The following AFG1L variants were observed in gnomAD, a reference collection of about 807,000 sequenced individuals.
AFG1L encodes the protein AFG1-like ATPase.
A neutral mutation model predicts 62.2 loss-of-function variants in AFG1L; 53 were observed. The observed-to-expected ratio is 0.85, with a 90% confidence interval of 0.68 to 1.07. AFG1L has a LOEUF of 1.07. AFG1L is among the 50% of genes least tolerant of loss of function. The probability of loss-of-function intolerance (pLI) is 0.00; values close to 1 mark genes in which losing one functional copy is unlikely to be tolerated. For synonymous variants in AFG1L, 228 were observed against 210.3 expected (o/e 1.08, Z -0.73); for missense variants, 555 against 590.5 (o/e 0.94, Z 0.62).
chr6:108,336,962 A>T (rs1425597332), intron 2 of AFG1L, among the ~76,000 whole-genome samples: 3 of 152,206 alleles, frequency 2.0e-5, no homozygotes, highest in Non-Finnish European at 4.4e-5. Context: ...TCATTTAGTA[A>T]TGTTATCTAA....
At chr6:108,450,002 T>C (rs1771985437) in intron 8 of AFG1L, among the ~76,000 whole-genome samples, 1 of 152,232 alleles carries the variant, frequency 6.6e-6, no homozygotes, top group African/African-American at 2.4e-5. Context: ...AGTCTATCAT[T>C]GTTGGACATT....
intron 7 of AFG1L, among the ~76,000 whole-genome samples, chr6:108,423,532 G>A (rs933859111): frequency 4.6e-5 from 7 of 151,926 alleles, no homozygotes; most frequent in African/African-American, 1.7e-4. Context: ...TAGTTTTTCT[G>A]TATCAAAATT....
At chr6:108,460,153 G>A (rs1222307640) in intron 8 of AFG1L, among the ~76,000 whole-genome samples, 2 of 151,998 alleles carry the variant, frequency 1.3e-5, no homozygotes, top group Non-Finnish European at 2.9e-5. Context: ...AACTTTGTTA[G>A]GTGTGATAGG....
At chr6:108,366,868 G>A (rs142537651) in intron 6 of AFG1L, among the ~76,000 whole-genome samples, 1 of 152,060 alleles carries the variant, frequency 6.6e-6, no homozygotes, top group Non-Finnish European at 1.5e-5. Flanking sequence ...AGCCCATCAC[G>A]TGCTCAGTTA....
At chr6:108,466,838 T>C (rs2114791372) in intron 8 of AFG1L, among the ~76,000 whole-genome samples, 1 of 151,292 alleles carries the variant, frequency 6.6e-6, no homozygotes, top group East Asian at 1.9e-4. Context: ...CTGTGGTATT[T>C]TGTTATGGGA....
chr6:108,315,437 T>A (rs1052190864), intron 1 of AFG1L, among the ~76,000 whole-genome samples: 3 of 152,246 alleles, frequency 2.0e-5, no homozygotes, highest in Non-Finnish European at 4.4e-5. Context: ...GGTCATTCCC[T>A]GGCACAGTGC....
rs149277452 is a variant in AFG1L at position 108,333,147 on chromosome 6, C to T, written c.363+9099C>T. 9.9e-3 allele frequency among the ~76,000 whole-genome samples: 1,502 copies of T among 152,246 alleles called. 18 individuals carry two copies. Among genetic ancestry groups the T allele is most frequent in the African/African-American group, 0.033 (1,391 of 41,546 alleles). On this transcript the variant is annotated intron_variant, in intron 2 of 12. Coordinates refer to ENST00000368977, the MANE Select transcript of AFG1L (RefSeq NM_145315.5). Reference sequence around the variant, plus strand: ...ACTACTGGCTGGGTGCGGTGGCTCACGCCTGTAATCCCAGCACTTTGGGAG... The same window carrying T: ...ACTACTGGCTGGGTGCGGTGGCTCATGCCTGTAATCCCAGCACTTTGGGAG...
chr6:108,439,308 A>G (rs11963642), intron 7 of AFG1L, among the ~76,000 whole-genome samples: 3,422 of 152,326 alleles, frequency 0.022, 81 homozygotes, highest in South Asian at 0.085. Flanking sequence ...GAAGTGCCCA[A>G]CCTGTAGTAT....
chr6:108,525,028 T>C lies in AFG1L; in HGVS notation c.*2603T>C, dbSNP rs1775273284. 1 of 152,216 alleles carries C rather than the reference T, an allele frequency of 6.6e-6. No homozygotes were observed. The highest frequency in any genetic ancestry group is 2.1e-4 in the South Asian group (1 of 4,832). 9.4% of individuals were successfully genotyped at this position (152,216 alleles called of 1,614,324 possible). ...CATAGAAGTCTCTCAGCAAATGCTC[T>C]TTTTTTGAAATGCTTTAAATGTATA... On this transcript the variant is annotated 3_prime_UTR_variant, in exon 13 of 13. Coordinates refer to ENST00000368977, the MANE Select transcript of AFG1L (RefSeq NM_145315.5).
In AFG1L at chr6:108,322,336, T is replaced by G. The variant is rs189219146; in HGVS notation, c.140-1489T>G. Among the ~76,000 whole-genome samples the G allele has an allele frequency of 2.6e-5, 4 of 152,318 alleles. No homozygotes were observed. In the East Asian group the frequency reaches 7.7e-4, roughly 29 times the overall value. The stretch of plus-strand genomic sequence containing the variant: ...TGCTTCATTCAACATTCTGTGTGCA[T>G]CTCATTGCCTCTTCCAGCTGCAGTC... On this transcript the variant is annotated intron_variant, in intron 1 of 12. Coordinates refer to ENST00000368977, the MANE Select transcript of AFG1L (RefSeq NM_145315.5).
chr6:108,422,221 C>A (rs1322746008), intron 7 of AFG1L, among the ~76,000 whole-genome samples: 1 of 151,726 alleles, frequency 6.6e-6, no homozygotes, highest in Non-Finnish European at 1.5e-5. Flanking sequence ...GGTTTGAGAA[C>A]CTGTGTCCAG....
chr6:108,519,764 A>T lies in AFG1L; in HGVS notation c.1271A>T (p.Glu424Val). The T allele has an allele frequency of 6.2e-7, 1 of 1,613,546 alleles. No individual in the cohort carries two copies. The highest frequency in any genetic ancestry group is 8.5e-7 in the Non-Finnish European group (1 of 1,179,730). ...SLFLHQHHDS[E>V]LEQSRILMDD... ...TTTTTGCATCAACATCATGACAGTG[A>T]GTTGGAGCAAAGCAGAATACTGATG... Residue 424 changes from glutamate (E) to valine (V), a missense_variant, in exon 12 of 13, where the codon GAG becomes GTG. Coordinates refer to ENST00000368977, the MANE Select transcript of AFG1L (RefSeq NM_145315.5).
intron 8 of AFG1L, among the ~76,000 whole-genome samples, chr6:108,471,695 T>C: frequency 6.6e-6 from 1 of 151,930 alleles, no homozygotes; most frequent in East Asian, 1.9e-4. Context: ...TCCTGACCTC[T>C]TGATCCGCCC....
intron 11 of AFG1L, among the ~76,000 whole-genome samples, chr6:108,511,189 GAGA>G (rs1774639327): frequency 6.6e-6 from 1 of 151,762 alleles, no homozygotes; most frequent in African/African-American, 2.4e-5. Flanking sequence ...GGAAGAGAAG[GAGA>G]AGGAGGAGAA....
At chr6:108,397,553 C>A (rs149080891) in intron 6 of AFG1L, among the ~76,000 whole-genome samples, 1 of 152,140 alleles carries the variant, frequency 6.6e-6, no homozygotes, top group Non-Finnish European at 1.5e-5. Context: ...CATGACGCTC[C>A]GCCTTTTTTA....
chr6:108,316,620 G>T (rs1311565728), intron 1 of AFG1L, among the ~76,000 whole-genome samples: 2 of 144,144 alleles, frequency 1.4e-5, no homozygotes, highest in Non-Finnish European at 3.0e-5. Flanking sequence ...TGCAAGCTCC[G>T]CCTCCCAGGT....
Position 108,314,736 on chromosome 6 carries a change from T to TA in AFG1L, c.140-9082dup, listed in dbSNP as rs1440725679. Among the ~76,000 whole-genome samples, 5 of 152,078 alleles carry TA rather than the reference T, an allele frequency of 3.3e-5. No individual in the cohort carries two copies. The South Asian group carries it at 8.3e-4, about 25-fold the overall frequency. The stretch of plus-strand genomic sequence containing the variant: ...TTAGAGGGGTTAAGTTTAATAATAA[T>TA]AAAAAAAGGAAATCAAAACAAAACA... On this transcript the variant is annotated intron_variant, in intron 1 of 12. Coordinates refer to ENST00000368977, the MANE Select transcript of AFG1L (RefSeq NM_145315.5).
intron 2 of AFG1L, among the ~76,000 whole-genome samples, chr6:108,343,599 G>A (rs1242852716): frequency 6.6e-6 from 1 of 152,188 alleles, no homozygotes; most frequent in Non-Finnish European, 1.5e-5. Flanking sequence ...TATACTTAGA[G>A]ATTATTAGGT....
chr6:108,436,317 GT>G (rs1388179055), intron 7 of AFG1L, among the ~76,000 whole-genome samples: 3 of 152,088 alleles, frequency 2.0e-5, no homozygotes, highest in Non-Finnish European at 2.9e-5. Flanking sequence ...GCTAATTTTT[GT>G]ATTTTTAGTA....
Sources: allele counts gnomAD v4.1 joint callset (sites outside exome capture counted in the v4.1 genomes callset), GRCh38; gene constraint gnomAD v4.1.1; transcripts MANE v1.5; gene names NCBI Gene and HGNC (gene_info 2026-07-23, HGNC 2026-07-21).